Variants in UPRT observed in about 807,000 individuals in gnomAD.
UPRT encodes RP11-311P8.3.
UPRT carries 5 observed loss-of-function variants against 22.6 expected under a neutral mutation model. That is an observed-to-expected ratio of 0.22 (90% CI 0.12 to 0.47). The LOEUF (loss-of-function observed/expected upper bound fraction) is 0.47, where lower values mean the gene tolerates loss of function less well. UPRT is among the 20% of genes least tolerant of loss of function. UPRT has a pLI of 0.99. For synonymous variants in UPRT, 77 were observed against 87.7 expected (o/e 0.88, Z 0.68); for missense variants, 181 against 239.9 (o/e 0.75, Z 1.62).
At chrX:75,183,830 A>T (rs989984016) in intron 4 of UPRT, among the ~76,000 whole-genome samples, 5 of 112,136 alleles carry the variant, frequency 4.5e-5, no homozygotes, top group African/African-American at 6.5e-5. Context: ...TCTTTTGAGA[A>T]ATATCTGTTC....
chrX:75,175,342 A>T (rs1168887545), intron 4 of UPRT, among the ~76,000 whole-genome samples: 1 of 112,090 alleles, frequency 8.9e-6, no homozygotes, highest in Non-Finnish European at 1.9e-5. Context: ...GGCATAACAA[A>T]AAAGGCATGT....
Position 75,300,875 on chromosome X carries a change from A to T in UPRT, c.733A>T (p.Asn245Tyr). The T allele has an allele frequency of 8.3e-7, 1 of 1,201,496 alleles. No individual in the cohort carries two copies. The highest frequency in any genetic ancestry group is 1.1e-6 in the Non-Finnish European group (1 of 889,637). The change falls in exon 6 of 7, where the codon AAT becomes TAT. Residue 245 changes from asparagine (N) to tyrosine (Y), a missense_variant. By Grantham distance (143) the Asn-to-Tyr change is moderately radical. Transcript: ENST00000373383. ...LLMYPILSTG[N>Y]TVIEAVKVLI... ...TTATCTTTTGATTTCAGGCACTGGA[A>T]ATACTGTAATTGAAGCTGTAAAGGT...
At chrX:75,228,481 C>T (rs1210902341) in intron 4 of UPRT, among the ~76,000 whole-genome samples, 1 of 111,874 alleles carries the variant, frequency 8.9e-6, no homozygotes, top group African/African-American at 3.3e-5. Context: ...CTTCCCCACA[C>T]CAGCATCATC....
At chrX:75,265,578 T>A (rs1015730229) in intron 4 of UPRT, among the ~76,000 whole-genome samples, 9 of 111,371 alleles carry the variant, frequency 8.1e-5, no homozygotes, top group African/African-American at 2.9e-4. Context: ...GTTATCCATT[T>A]GTCTAATCTT....
At chrX:75,272,770 T>A (rs1328768501), upstream of UPRT, among the ~76,000 whole-genome samples, 1 of 110,696 alleles carries the variant, frequency 9.0e-6, no homozygotes, top group Non-Finnish European at 1.9e-5. Flanking sequence ...TGTATAGGCA[T>A]GTTAAAAAAA....
In UPRT at chrX:75,160,701, A is replaced by T. The variant is rs976162394; in HGVS notation, c.-615+30A>T. The stretch of plus-strand genomic sequence containing the variant: ...GTACGACAGTGCCTGACATATATTT[A>T]AAAAATTTTTTAAAGATGGGGTTCG... On this transcript the variant is annotated intron_variant, in intron 2 of 13. Coordinates refer to the UPRT transcript ENST00000652605. Among the ~76,000 whole-genome samples the T allele has an allele frequency of 5.1e-4, 57 of 111,106 alleles. 1 individual carries two copies. The highest frequency in any genetic ancestry group is 4.7e-3 in the Middle Eastern group (1 of 215).
At chrX:75,287,304 A>G (rs1264920548) in intron 1 of UPRT, among the ~76,000 whole-genome samples, 1 of 111,753 alleles carries the variant, frequency 8.9e-6, no homozygotes, top group Non-Finnish European at 1.9e-5. Flanking sequence ...AGTAATAGTA[A>G]TAGTACTAGT....
rs2082756862 is a variant in UPRT at position 75,304,695 on chromosome X, A to G, written c.*1184A>G. On this transcript the variant is annotated 3_prime_UTR_variant, in exon 7 of 7. Coordinates refer to ENST00000373383, the MANE Select transcript of UPRT (RefSeq NM_145052.4). ...AAAAGCACAGAAAAGAGCAGAAGGA[A>G]ATGTCTTAGAAAGAATCAAAGCTGA... The G allele has an allele frequency of 8.9e-6, 1 of 111,877 alleles. No homozygotes were observed. The highest frequency in any genetic ancestry group is 1.9e-5 in the Non-Finnish European group (1 of 53,168). 9.2% of individuals were successfully genotyped at this position (111,877 alleles called of 1,213,427 possible).
intron 1 of UPRT, among the ~76,000 whole-genome samples, chrX:75,277,788 G>GATAA (rs2082637581): frequency 1.8e-5 from 2 of 111,781 alleles, no homozygotes; most frequent in Non-Finnish European, 3.8e-5. Context: ...TTTTGATATA[G>GATAA]TATGGAAAGA....
At chrX:75,251,362 A>T (rs1330657150) in intron 4 of UPRT, among the ~76,000 whole-genome samples, 7 of 111,976 alleles carry the variant, frequency 6.3e-5, no homozygotes, top group East Asian at 5.6e-4. Flanking sequence ...ACTTCAGCAA[A>T]GTCTCAGGAC....
chrX:75,249,672 G>A lies in UPRT; in HGVS notation c.-446-41352G>A, dbSNP rs773744445. ...TCTGTGAGACAGAAAGTTAACAAGG[G>A]TCTCCAGGAATTGAACTCAGCTCTG... On this transcript the variant is annotated intron_variant, in intron 4 of 13. Transcript: ENST00000652605. 1.6e-4 allele frequency among the ~76,000 whole-genome samples: 18 copies of A among 110,715 alleles called. No individual in the cohort carries two copies. The East Asian group carries it at 5.1e-3, about 31-fold the overall frequency.
chrX:75,188,941 G>A (rs1048114485), intron 4 of UPRT, among the ~76,000 whole-genome samples: 3 of 111,903 alleles, frequency 2.7e-5, no homozygotes, highest in South Asian at 3.7e-4. Context: ...AGATGAACCC[G>A]GTACTTCAGA....
chrX:75,218,867 G>A (rs1199942699), intron 4 of UPRT, among the ~76,000 whole-genome samples: 13 of 108,809 alleles, frequency 1.2e-4, no homozygotes, highest in Non-Finnish European at 1.9e-4. Flanking sequence ...GAAGGGGAAC[G>A]TCACACTCTG....
chrX:75,254,169 T>C (rs891428917), intron 4 of UPRT, among the ~76,000 whole-genome samples: 1 of 111,245 alleles, frequency 9.0e-6, no homozygotes, highest in Non-Finnish European at 1.9e-5. Context: ...TAGCAATGGA[T>C]CCAAACCAAG....
intron 1 of UPRT, among the ~76,000 whole-genome samples, chrX:75,159,635 A>G (rs1218967295): frequency 1.8e-5 from 2 of 111,745 alleles, no homozygotes; most frequent in African/African-American, 6.5e-5. Flanking sequence ...ACTTTCTGAA[A>G]CTAACTTATT....
intron 4 of UPRT, among the ~76,000 whole-genome samples, chrX:75,174,106 G>A (rs924640272): frequency 8.9e-6 from 1 of 112,472 alleles, no homozygotes; most frequent in Non-Finnish European, 1.9e-5. Flanking sequence ...CCCGGGCAGA[G>A]GAAGTGCCAA....
chrX:75,254,145 C>T (rs897957642), intron 4 of UPRT, among the ~76,000 whole-genome samples: 1 of 111,585 alleles, frequency 9.0e-6, no homozygotes, highest in African/African-American at 3.3e-5. Flanking sequence ...TGCTTTGTCA[C>T]CTGGGAGGCT....
In UPRT at chrX:75,175,409, A is replaced by G. The variant is rs762734873; in HGVS notation, c.-447+7530A>G. Among the ~76,000 whole-genome samples, 41 of 112,478 alleles carry G rather than the reference A, an allele frequency of 3.6e-4. 1 individual carries two copies. The South Asian group carries it at 0.014, about 38-fold the overall frequency. On this transcript the variant is annotated intron_variant, in intron 4 of 13. Transcript: ENST00000652605. ...TGAGGTGGGAGAAATACCTGATTAC[A>G]GGCTGTCCTAGGATTCCTCGGATGG... is the stretch of plus-strand genomic sequence containing the variant.
At chrX:75,156,924 CACAG>C (rs1273912416) in intron 1 of UPRT, among the ~76,000 whole-genome samples, 80 of 108,906 alleles carry the variant, frequency 7.3e-4, no homozygotes, top group Admixed American at 8.9e-4. Context: ...CACACACACA[CACAG>C]AGAGACTACA....
Sources: gnomAD v4.1 joint callset for allele counts (sites outside exome capture counted in the v4.1 genomes callset) on GRCh38, gnomAD v4.1.1 for gene constraint, MANE v1.5 for transcripts, NCBI Gene and HGNC (gene_info 2026-07-23, HGNC 2026-07-21) for gene names.